Variants in SLC13A3 observed in about 807,000 individuals in gnomAD.
SLC13A3 encodes the protein solute carrier family 13 member 3.
Under a neutral mutation model 59.0 loss-of-function variants are expected in SLC13A3, and 40 were observed. The observed-to-expected ratio is 0.68, with a 90% confidence interval of 0.53 to 0.88. The LOEUF is 0.88. SLC13A3 is among the 40% of genes least tolerant of loss of function. SLC13A3 has a pLI of 0.00. For synonymous variants in SLC13A3, 317 were observed against 330.3 expected (o/e 0.96, Z 0.44); for missense variants, 699 against 783.2 (o/e 0.89, Z 1.28).
intron 1 of SLC13A3, among the ~76,000 whole-genome samples, chr20:46,619,166 G>A (rs969305902): frequency 2.6e-5 from 4 of 152,134 alleles, no homozygotes; most frequent in East Asian, 1.9e-4. Flanking sequence ...ACATCTTTCC[G>A]AGCTAGGATT....
chr20:46,579,978 T>TG (rs2062119060), intron 9 of SLC13A3, among the ~76,000 whole-genome samples: 1 of 152,148 alleles, frequency 6.6e-6, no homozygotes, highest in African/African-American at 2.4e-5. Context: ...CTACTTTTTT[T>TG]TTTTTGAGAC....
intron 4 of SLC13A3, among the ~76,000 whole-genome samples, chr20:46,597,520 T>A (rs2062325991): frequency 6.6e-6 from 1 of 152,230 alleles, no homozygotes; most frequent in Non-Finnish European, 1.5e-5. Context: ...CACTGCTACC[T>A]CTGCCTCCCG....
intron 9 of SLC13A3, among the ~76,000 whole-genome samples, chr20:46,578,384 T>G (rs980085017): frequency 1.3e-5 from 2 of 151,872 alleles, no homozygotes; most frequent in African/African-American, 2.4e-5. Context: ...GATAAACAAA[T>G]AAATATACTG....
chr20:46,563,587 G>A, intron 11 of SLC13A3, 36 bp from the exon 12 acceptor site: 1 of 1,602,542 alleles, frequency 6.2e-7, no homozygotes, highest in Non-Finnish European at 8.5e-7. Flanking sequence ...CCCGGAGAGA[G>A]ACCAACGCAG....
intron 1 of SLC13A3, among the ~76,000 whole-genome samples, chr20:46,617,805 T>C (rs2062575810): frequency 6.6e-6 from 1 of 152,142 alleles, no homozygotes; most frequent in African/African-American, 2.4e-5. Context: ...AAAACTGACT[T>C]TCTTCCACCC....
At chr20:46,597,239 T>C (rs2062322812) in intron 4 of SLC13A3, among the ~76,000 whole-genome samples, 1 of 150,312 alleles carries the variant, frequency 6.7e-6, no homozygotes, top group African/African-American at 2.5e-5. Flanking sequence ...TTTTGGGAAA[T>C]AATGAAATTA....
rs888626978 is a variant in SLC13A3 at position 46,560,349 on chromosome 20, T to A, written c.1633-151A>T. ...ACACAGACCCAGGTCGGTAAATGCCTGGGACCCTTCAATCTTTACACTACC... is the reference window on the plus strand; with the variant it reads ...ACACAGACCCAGGTCGGTAAATGCCAGGGACCCTTCAATCTTTACACTACC... On this transcript the variant is annotated intron_variant, in intron 12 of 12. Coordinates refer to ENST00000279027, the MANE Select transcript of SLC13A3 (RefSeq NM_022829.6). 7 of 682,316 alleles carry A rather than the reference T, an allele frequency of 1.0e-5. No homozygotes were observed. The African/African-American group carries it at 1.1e-4, about 11-fold the overall frequency. 42.3% of individuals were successfully genotyped at this position (682,316 alleles called of 1,614,324 possible). A position where few individuals can be genotyped will look rare whatever the true frequency, so the allele number is the denominator to read the frequency against.
chr20:46,584,933 T>TA (rs2062176429), intron 8 of SLC13A3, among the ~76,000 whole-genome samples: 1 of 152,138 alleles, frequency 6.6e-6, no homozygotes, highest in Non-Finnish European at 1.5e-5. Flanking sequence ...TGCATCTGTT[T>TA]AAAAAAAGAT....
At chr20:46,588,369 C>T (rs3752268) in intron 7 of SLC13A3, among the ~76,000 whole-genome samples, 50,186 of 151,868 alleles carry the variant, frequency 0.33, 8,888 homozygotes, top group South Asian at 0.49. Context: ...AGGACTTCCA[C>T]GATCCCTCAG....
chr20:46,572,497 T>C (rs2062038163), intron 10 of SLC13A3, among the ~76,000 whole-genome samples: 1 of 152,176 alleles, frequency 6.6e-6, no homozygotes, highest in South Asian at 2.1e-4. Flanking sequence ...ACACCACTTC[T>C]GGAGCTTAGG....
intron 1 of SLC13A3, among the ~76,000 whole-genome samples, chr20:46,681,096 C>A (rs1427145483): frequency 6.6e-6 from 1 of 152,224 alleles, no homozygotes; most frequent in Non-Finnish European, 1.5e-5. Flanking sequence ...GGGGCCAGGA[C>A]AAGGGCCTCC....
intron 1 of SLC13A3, among the ~76,000 whole-genome samples, chr20:46,669,454 C>A (rs2063079006): frequency 6.6e-6 from 1 of 152,164 alleles, no homozygotes; most frequent in African/African-American, 2.4e-5. Flanking sequence ...GGTGTGATTA[C>A]CTTCATTACA....
At chr20:46,576,676 A>G (rs1469075827) in intron 9 of SLC13A3, among the ~76,000 whole-genome samples, 1 of 152,156 alleles carries the variant, frequency 6.6e-6, no homozygotes, top group Non-Finnish European at 1.5e-5. Flanking sequence ...GTGCAGGGTA[A>G]TCACTCCTGA....
intron 8 of SLC13A3, chr20:46,584,266 T>C (rs2062170011): frequency 1.0e-6 from 1 of 984,622 alleles, no homozygotes; most frequent in South Asian, 4.7e-5. Context: ...CAGAAACAAC[T>C]TGTTCAAGGG....
intron 1 of SLC13A3, among the ~76,000 whole-genome samples, chr20:46,638,572 T>G (rs888060951): frequency 1.6e-4 from 24 of 151,894 alleles, no homozygotes; most frequent in Non-Finnish European, 2.4e-4. Context: ...AGGGCAGGAG[T>G]GCCTTTCTCG....
chr20:46,632,777 T>C (rs893923888), intron 1 of SLC13A3, among the ~76,000 whole-genome samples: 3 of 152,044 alleles, frequency 2.0e-5, no homozygotes, highest in African/African-American at 7.2e-5. Context: ...GTGCAACATA[T>C]AGCCCAGAGT....
chr20:46,596,882 C>T (rs1164891706), intron 4 of SLC13A3, among the ~76,000 whole-genome samples: 1 of 152,010 alleles, frequency 6.6e-6, no homozygotes, highest in Non-Finnish European at 1.5e-5. Context: ...GAGATCCCAT[C>T]TCTATAAAAA....
rs756528608 is a variant in SLC13A3 at position 46,616,784 on chromosome 20, T to C, written c.112-3059A>G. Among the ~76,000 whole-genome samples, 31 of 152,204 alleles carry C rather than the reference T, an allele frequency of 2.0e-4. 1 individual carries two copies. The highest frequency in any genetic ancestry group is 7.3e-5 in the Non-Finnish European group (5 of 68,030). On this transcript the variant is annotated intron_variant, in intron 1 of 12. Coordinates refer to ENST00000279027, the MANE Select transcript of SLC13A3 (RefSeq NM_022829.6). ...TTAGTAACCACCTGGGGAGCCAGTG[T>C]ACCAAAGGCTTCAGACTTGGCCAAG...
At position 46,646,323 on chromosome 20, in the gene SLC13A3, C is replaced by T. The variant is rs558973758; in HGVS notation, c.111+4988G>A. Among the ~76,000 whole-genome samples the T allele has an allele frequency of 7.9e-5, 12 of 152,302 alleles. No homozygotes were observed. The East Asian group carries it at 1.9e-3, about 24-fold the overall frequency. On this transcript the variant is annotated intron_variant, in intron 1 of 12. Transcript: ENST00000279027. ...TAACCTCTCTGTGCCTCACTTTCCT[C>T]ATCTCTAAAAATGGGGATAATTTTT...
Sources: allele counts gnomAD v4.1 joint callset (sites outside exome capture counted in the v4.1 genomes callset), GRCh38; gene constraint gnomAD v4.1.1; transcripts MANE v1.5; gene names NCBI Gene and HGNC (gene_info 2026-07-23, HGNC 2026-07-21).